SNX14: variants seen among roughly 807,000 people sequenced by gnomAD.
The protein encoded by SNX14 is sorting nexin-14.
SNX14 carries 93 observed loss-of-function variants against 133.8 expected under a neutral mutation model. The observed-to-expected ratio is 0.70, with a 90% CI of 0.59 to 0.83. The LOEUF (loss-of-function observed/expected upper bound fraction) is 0.83. SNX14 is among the 40% of genes least tolerant of loss of function. The pLI is 0.00. For missense variants in SNX14, 945 were observed against 1,094.9 expected (o/e 0.86, Z 1.93); for synonymous variants, 368 against 365.6 (o/e 1.01, Z -0.07).
chr6:85,581,134 C>T (rs796900617), intron 1 of SNX14: 11 of 152,516 alleles, frequency 7.2e-5, no homozygotes, highest in African/African-American at 2.6e-4. Flanking sequence ...CCAGGAAGCT[C>T]AGCACAGAGA....
intron 23 of SNX14, among the ~76,000 whole-genome samples, chr6:85,516,714 T>C (rs1775148494): frequency 6.8e-6 from 1 of 146,620 alleles, no homozygotes; most frequent in Non-Finnish European, 1.5e-5. Context: ...CTCAGCTCAC[T>C]GCAACCTCCA....
At position 85,546,087 on chromosome 6, in the gene SNX14, T is replaced by TA. The variant is rs536624254; in HGVS notation, c.1108+1024dup. On this transcript the variant is annotated intron_variant, in intron 12 of 28. Coordinates refer to ENST00000314673, the MANE Select transcript of SNX14 (RefSeq NM_153816.6). ...TACATATTATGTGATTCAATTTATA[T>TA]AAAAAAAATTATACAGGCAAAACTA... Among the ~76,000 whole-genome samples, 194 of 152,160 alleles carry TA rather than the reference T, an allele frequency of 1.3e-3. 1 individual carries two copies. The highest frequency in any genetic ancestry group is 4.2e-3 in the African/African-American group (175 of 41,522).
chr6:85,580,724 C>G (rs1006105264), intron 1 of SNX14, among the ~76,000 whole-genome samples: 1 of 152,106 alleles, frequency 6.6e-6, no homozygotes, highest in African/African-American at 2.4e-5. Flanking sequence ...TAGCAGCACT[C>G]CCATGGGCTT....
intron 7 of SNX14, among the ~76,000 whole-genome samples, chr6:85,551,417 G>A (rs1253110963): frequency 6.6e-6 from 1 of 152,242 alleles, no homozygotes; most frequent in East Asian, 1.9e-4. Context: ...TTGGGGCCTG[G>A]AAACCAACCA....
At position 85,511,535 on chromosome 6, in the gene SNX14, G is replaced by A. The variant is rs185885188; in HGVS notation, c.2653+2265C>T. Among the ~76,000 whole-genome samples, 48 of 152,300 alleles carry A rather than the reference G, an allele frequency of 3.2e-4. No individual in the cohort carries two copies. The East Asian group carries it at 8.3e-3, about 26-fold the overall frequency. On this transcript the variant is annotated intron_variant, in intron 26 of 28. Coordinates refer to ENST00000314673, the MANE Select transcript of SNX14 (RefSeq NM_153816.6). ...TTCATCAAGTGTGATGTTAGCTATA[G>A]GTGTTTTTGTAGATATTCTTTATCA... is the stretch of plus-strand genomic sequence containing the variant.
At chr6:85,511,709 T>C (rs1342132716) in intron 26 of SNX14, among the ~76,000 whole-genome samples, 3 of 152,242 alleles carry the variant, frequency 2.0e-5, no homozygotes, top group Admixed American at 6.5e-5. Context: ...TAATTGACTT[T>C]TGAATGAATG....
At chr6:85,557,604 G>C (rs144476769) in intron 7 of SNX14, among the ~76,000 whole-genome samples, 1 of 152,178 alleles carries the variant, frequency 6.6e-6, no homozygotes, top group African/African-American at 2.4e-5. Context: ...TTAGTAGAAA[G>C]ACAACATGAG....
Position 85,533,708 on chromosome 6 carries a change from A to G in SNX14, c.1701T>C (p.Ile567=). 1 of 1,614,006 alleles carries G rather than the reference A, an allele frequency of 6.2e-7. No homozygotes were observed. Among genetic ancestry groups the G allele is most frequent in the Non-Finnish European group, 8.5e-7 (1 of 1,180,016 alleles). ...CAAAAAAGTCTACATATGGAATGCT[A>G]ATTTTCCATGCAGCAAGGTTTCGGG... ...NTPRNLAAWK[I]SIPYVDFFED... The change falls in exon 18 of 29, where the codon ATT becomes ATC. Residue 567 remains isoleucine (I), a synonymous_variant. Transcript: ENST00000314673.
chr6:85,513,426 G>T (rs1206197587), intron 26 of SNX14, among the ~76,000 whole-genome samples: 1 of 152,156 alleles, frequency 6.6e-6, no homozygotes, highest in Non-Finnish European at 1.5e-5. Context: ...GAATATGGAA[G>T]GTGCTCAATA....
chr6:85,550,788 C>A (rs990533108), intron 7 of SNX14, among the ~76,000 whole-genome samples: 1 of 144,306 alleles, frequency 6.9e-6, no homozygotes, highest in Non-Finnish European at 1.5e-5. Context: ...CCTCAAAATT[C>A]TTTTTTTTTT....
At chr6:85,563,273 A>T (rs1457281561) in intron 6 of SNX14, among the ~76,000 whole-genome samples, 1 of 152,236 alleles carries the variant, frequency 6.6e-6, no homozygotes, top group Non-Finnish European at 1.5e-5. Flanking sequence ...CAATACGTTC[A>T]ATATGTCAAT....
chr6:85,523,487 G>A (rs1777544388), intron 21 of SNX14, among the ~76,000 whole-genome samples: 1 of 152,184 alleles, frequency 6.6e-6, no homozygotes, highest in Non-Finnish European at 1.5e-5. Context: ...CTAAAAACAT[G>A]TGTAAGGCAG....
intron 5 of SNX14, 101 bp downstream of exon 5, chr6:85,567,433 G>A (rs1562358350): frequency 1.1e-6 from 1 of 886,308 alleles, no homozygotes; most frequent in East Asian, 2.9e-5. Context: ...CAATGACAAA[G>A]TTGAGAAATC....
intron 21 of SNX14, among the ~76,000 whole-genome samples, chr6:85,519,257 T>G (rs1469734095): frequency 6.6e-6 from 1 of 152,220 alleles, no homozygotes; most frequent in Non-Finnish European, 1.5e-5. Flanking sequence ...GGTGTGGGTA[T>G]AGACAGAAGC....
In SNX14 at chr6:85,517,944, T is replaced by G. The variant is rs1428006187; in HGVS notation, c.2148+64A>C. 5 of 1,573,590 alleles carry G rather than the reference T, an allele frequency of 3.2e-6. No homozygotes were observed. In the East Asian group the frequency reaches 1.1e-4, roughly 36 times the overall value. Reference sequence around the variant, plus strand: ...TTTTTAGTACATAATCCAGCAAAATTTATCAATATTTAAATATGTTTATGA... The same window carrying G: ...TTTTTAGTACATAATCCAGCAAAATGTATCAATATTTAAATATGTTTATGA... On this transcript the variant is annotated intron_variant, in intron 22 of 28. Coordinates refer to ENST00000314673, the MANE Select transcript of SNX14 (RefSeq NM_153816.6).
intron 26 of SNX14, among the ~76,000 whole-genome samples, chr6:85,513,360 T>A (rs1773617324): frequency 1.3e-5 from 2 of 152,344 alleles, no homozygotes; most frequent in South Asian, 4.1e-4. Flanking sequence ...GTCTTCCTGC[T>A]AGACTGACCT....
At chr6:85,514,012 T>G (rs1773893711) in intron 25 of SNX14, 58 bp downstream of exon 25, 1 of 1,569,110 alleles carries the variant, frequency 6.4e-7, no homozygotes, top group Admixed American at 2.0e-5. Context: ...CCTCTTTAGA[T>G]TCAATTAAAA....
At chr6:85,590,042 G>A (rs111504026) in intron 1 of SNX14, among the ~76,000 whole-genome samples, 1 of 152,304 alleles carries the variant, frequency 6.6e-6, no homozygotes, top group African/African-American at 2.4e-5. Flanking sequence ...GGGTGGCCAG[G>A]GGCATAGTCC....
At chr6:85,543,160 C>A in intron 14 of SNX14, 22 bp downstream of exon 14, 1 of 1,503,212 alleles carries the variant, frequency 6.7e-7, no homozygotes, top group Non-Finnish European at 8.9e-7. Flanking sequence ...AATCCTCAAA[C>A]AAGGTTAATA....
Sources: gnomAD v4.1 joint callset for allele counts (sites outside exome capture counted in the v4.1 genomes callset) on GRCh38, gnomAD v4.1.1 for gene constraint, MANE v1.5 for transcripts, NCBI Gene and HGNC (gene_info 2026-07-23, HGNC 2026-07-21) for gene names.